Variants in TBC1D16 observed in about 807,000 individuals in gnomAD.
TBC1D16 encodes the protein TBC1 domain family member 16, also known as CTD-2529O21.1.
A neutral mutation model predicts 74.7 loss-of-function variants in TBC1D16; 58 were observed. That is an observed-to-expected ratio of 0.78 (90% CI 0.63 to 0.97). The LOEUF is 0.97. Among genes scored for constraint, TBC1D16 ranks in the 50% least tolerant of loss-of-function variants. The pLI, the probability that TBC1D16 is intolerant of heterozygous loss-of-function variation, is 0.00. For synonymous variants in TBC1D16, 493 were observed against 474.7 expected, an observed-to-expected ratio of 1.04 and a Z score of -0.50; for missense variants, 1,014 against 1,079.5, an observed-to-expected ratio of 0.94 and a Z score of 0.85.
At chr17:79,978,117 G>A (rs1568605697) in intron 3 of TBC1D16, among the ~76,000 whole-genome samples, 1 of 152,180 alleles carries the variant, frequency 6.6e-6, no homozygotes, top group Non-Finnish European at 1.5e-5. Flanking sequence ...GCTCGGGAGC[G>A]CCGACATCCC....
chr17:79,975,597 G>C lies in TBC1D16; in HGVS notation c.780-22779C>G, dbSNP rs777275554. On this transcript the variant is annotated intron_variant, in intron 3 of 11. Coordinates refer to ENST00000310924, the MANE Select transcript of TBC1D16 (RefSeq NM_019020.4). The surrounding 1 kb of genome is among the most constrained non-coding windows in gnomAD (Gnocchi z 4.5). ...AACGAGTGACAGAGGGTTGGGGACT[G>C]GGGGGGTCGTGCATGAAGACAGCCA... Among the ~76,000 whole-genome samples the C allele has an allele frequency of 1.3e-5, 2 of 152,146 alleles. No homozygotes were observed. The highest frequency in any genetic ancestry group is 2.9e-5 in the Non-Finnish European group (2 of 68,016).
intron 1 of TBC1D16, among the ~76,000 whole-genome samples, chr17:80,028,912 G>A (rs536670063): frequency 2.0e-4 from 30 of 152,204 alleles, no homozygotes; most frequent in East Asian, 1.9e-4. Flanking sequence ...GCCCCGAGCC[G>A]ACCAGTTGAT....
At chr17:80,024,984 CCA>C (rs1263393623) in intron 1 of TBC1D16, among the ~76,000 whole-genome samples, 12 of 128,662 alleles carry the variant, frequency 9.3e-5, no homozygotes, top group Admixed American at 3.1e-4. Context: ...TAGGCACACA[CCA>C]CACTCTACAC....
At chr17:80,005,605 A>ACG (rs896317709) in intron 3 of TBC1D16, among the ~76,000 whole-genome samples, 3 of 152,162 alleles carry the variant, frequency 2.0e-5, no homozygotes, top group African/African-American at 7.2e-5. Context: ...AGGCAGGACG[A>ACG]CGCATTGGCG....
chr17:80,003,546 C>T (rs938125263), intron 3 of TBC1D16, among the ~76,000 whole-genome samples: 1 of 152,164 alleles, frequency 6.6e-6, no homozygotes, highest in African/African-American at 2.4e-5. Flanking sequence ...CTTAGCGTCC[C>T]CAAATGTGCA....
At chr17:80,032,622 C>T (rs2036813604) in intron 1 of TBC1D16, among the ~76,000 whole-genome samples, 1 of 152,320 alleles carries the variant, frequency 6.6e-6, no homozygotes, top group South Asian at 2.1e-4. Context: ...AACACTGCCG[C>T]TGAGGTGAAC....
rs1340741384 is a variant in TBC1D16, at chr17:80,010,379, A to G, written c.560T>C (p.Leu187Ser). 1.2e-6 allele frequency: 2 copies of G among 1,612,212 alleles called. No individual in the cohort carries two copies. Among genetic ancestry groups the G allele is most frequent in the South Asian group, 1.1e-5 (1 of 90,828 alleles). The change falls in exon 3 of 12, where the codon TTG (leucine) becomes TCG (serine). Residue 187 changes from leucine to serine, a missense_variant. Transcript: ENST00000310924. This position sits in a 1 kb window ranked among gnomAD's most constrained non-coding sequence, Gnocchi z 8.8. ...GACATCCTGCGGACTGACCGTCGACAAGATCCCGGAGGGGCTGCAAGCAGG... is the reference window on the plus strand; with the variant it reads ...GACATCCTGCGGACTGACCGTCGACGAGATCCCGGAGGGGCTGCAAGCAGG... ...SQPACSPSGI[L>S]STVSPQDVTE...
rs575525954 is a variant in TBC1D16 at position 80,023,398 on chromosome 17, C to T, written c.-62-9789G>A. The stretch of plus-strand genomic sequence containing the variant: ...AGCCACAGCCCTCCATGCCCTCCTT[C>T]CGCCCCGCAGTCCCAGCATGAAGCC... On this transcript the variant is annotated intron_variant, in intron 1 of 11. Transcript: ENST00000310924. 3.0e-4 allele frequency among the ~76,000 whole-genome samples: 45 copies of T among 150,038 alleles called. 5 individuals are homozygous for T. The highest frequency in any genetic ancestry group is 9.6e-4 in the African/African-American group (38 of 39,448).
rs576425675 is a variant in TBC1D16, at chr17:80,022,301, T to C, written c.-62-8692A>G. Among the ~76,000 whole-genome samples, 40 of 149,946 alleles carry C rather than the reference T, an allele frequency of 2.7e-4. 4 individuals carry two copies. In the South Asian group the frequency reaches 8.4e-3, roughly 31 times the overall value. On this transcript the variant is annotated intron_variant, in intron 1 of 11. Coordinates refer to ENST00000310924, the MANE Select transcript of TBC1D16 (RefSeq NM_019020.4). ...TATCTGACAAAAACACTGAAATCTATGATAAATTAATAAAGCTGGGACGTT... is the reference window on the plus strand; with the variant it reads ...TATCTGACAAAAACACTGAAATCTACGATAAATTAATAAAGCTGGGACGTT...
rs2034919246 is a variant in TBC1D16, at chr17:79,988,235, C to A, written c.779+21925G>T. On this transcript the variant is annotated intron_variant, in intron 3 of 11. Coordinates refer to ENST00000310924, the MANE Select transcript of TBC1D16 (RefSeq NM_019020.4). This position sits in a 1 kb window ranked among gnomAD's most constrained non-coding sequence, Gnocchi z 5.7. ...CTGGCCACCAGCCAGGGCCGTGGCT[C>A]CTCGGCAAGTGGGCGTCCGCCGAGC... 6.6e-6 allele frequency among the ~76,000 whole-genome samples: 1 copy of A among 152,186 alleles called. No homozygotes were observed. The highest frequency in any genetic ancestry group is 6.5e-5 in the Admixed American group (1 of 15,280).
rs1235951226 is a variant in TBC1D16, at chr17:79,981,375, T to C, written c.780-28557A>G. Among the ~76,000 whole-genome samples the C allele has an allele frequency of 6.6e-6, 1 of 152,234 alleles. No homozygotes were observed. The highest frequency in any genetic ancestry group is 1.5e-5 in the Non-Finnish European group (1 of 68,042). Reference sequence around the variant, plus strand: ...TTAGACCCTCCATCTGCCCGGGCCCTGCTGGGAGAAGGCCTCGGGCCTCCA... The same window carrying C: ...TTAGACCCTCCATCTGCCCGGGCCCCGCTGGGAGAAGGCCTCGGGCCTCCA... On this transcript the variant is annotated intron_variant, in intron 3 of 11. Transcript: ENST00000310924. The surrounding 1 kb of genome is among the most constrained non-coding windows in gnomAD (Gnocchi z 6.9).
Position 80,010,279 on chromosome 17 carries a change from C to T in TBC1D16, c.660G>A (p.Val220=). The change falls in exon 3 of 12, where the codon GTG becomes GTA. Residue 220 remains valine, a synonymous_variant. Transcript: ENST00000310924. The surrounding 1 kb of genome is among the most constrained non-coding windows in gnomAD (Gnocchi z 8.8). ...CTGAGTCAAAGGAGCTGTCTCTGCTCACGCCCTCGGCTGACAGTTCCAAAG... is the reference window on the plus strand; with the variant it reads ...CTGAGTCAAAGGAGCTGTCTCTGCTTACGCCCTCGGCTGACAGTTCCAAAG... The part of the protein sequence containing the change: ...DGSLELSAEG[V]SRDSSFDSDS... 6.2e-7 allele frequency: 1 copy of T among 1,613,230 alleles called. No homozygotes were observed. The highest frequency in any genetic ancestry group is 8.5e-7 in the Non-Finnish European group (1 of 1,179,732).
intron 1 of TBC1D16, among the ~76,000 whole-genome samples, chr17:80,030,630 G>T (rs768982997): frequency 5.9e-5 from 9 of 152,230 alleles, no homozygotes; most frequent in Non-Finnish European, 1.2e-4. Flanking sequence ...CCGTGCACCG[G>T]CCTCAGGGCC....
Position 79,941,155 on chromosome 17 carries a change from C to A in TBC1D16, c.2056-48G>T, listed in dbSNP as rs75767191. 0.015 allele frequency: 21,863 copies of A among 1,505,258 alleles called. 248 individuals are homozygous for A. The highest frequency in any genetic ancestry group is 0.03 in the Middle Eastern group (142 of 4,738). The allele number at this position is 1,505,258 out of a possible 1,614,324, so 93.2% of individuals were successfully genotyped here. A position where few individuals can be genotyped will look rare whatever the true frequency, so the allele number is the denominator to read the frequency against. On this transcript the variant is annotated intron_variant, in intron 11 of 11. Transcript: ENST00000310924. This position sits in a 1 kb window ranked among gnomAD's most constrained non-coding sequence, Gnocchi z 4.3. ...GAGGAGGGGCCGGGGGACAGCCTGG[C>A]AGCCTAGGGTCCCCATGGGAGTGGC... is the stretch of plus-strand genomic sequence containing the variant.
In TBC1D16 at chr17:80,010,434, C is replaced by A. The variant is rs1242827208; in HGVS notation, c.505G>T (p.Gly169Trp). ...GAGGCTGGCTGGGCACCATCCACCC[C>A]CAAGCCCTGCGCCAGCTTCTCCTCA... Reference protein sequence around the residue: ...EDEEKLAQGLGVDGAQPASQP... With the variant: ...EDEEKLAQGLWVDGAQPASQP... The change falls in exon 3 of 12, where the codon GGG (glycine) becomes TGG (tryptophan). Residue 169 changes from glycine to tryptophan, a missense_variant. By Grantham distance (184) the Gly-to-Trp change is radical. Coordinates refer to ENST00000310924, the MANE Select transcript of TBC1D16 (RefSeq NM_019020.4). The surrounding 1 kb of genome is among the most constrained non-coding windows in gnomAD (Gnocchi z 8.8). 1 of 1,609,562 alleles carries A rather than the reference C, an allele frequency of 6.2e-7. No individual in the cohort carries two copies. Among genetic ancestry groups the A allele is most frequent in the Admixed American group, 1.7e-5 (1 of 59,438 alleles).
chr17:79,984,392 G>A (rs547864115), intron 3 of TBC1D16, among the ~76,000 whole-genome samples: 22 of 151,994 alleles, frequency 1.4e-4, no homozygotes, highest in South Asian at 8.3e-4. Flanking sequence ...CTTAGGCATC[G>A]GAAGCAAAAA....
At chr17:80,025,148 A>ACACACACG (rs2036528655) in intron 1 of TBC1D16, among the ~76,000 whole-genome samples, 1 of 117,602 alleles carries the variant, frequency 8.5e-6, no homozygotes, top group Admixed American at 8.2e-5. Context: ...GCACACACAA[A>ACACACACG]CACACCAGGA....
At chr17:79,984,607 G>A (rs1181478959) in intron 3 of TBC1D16, among the ~76,000 whole-genome samples, 1 of 93,712 alleles carries the variant, frequency 1.1e-5, no homozygotes, top group Non-Finnish European at 2.2e-5. Flanking sequence ...AAAGAAAAGA[G>A]GGAGGGAGGG....
intron 3 of TBC1D16, among the ~76,000 whole-genome samples, chr17:79,999,970 G>A (rs561625226): frequency 3.9e-4 from 60 of 152,282 alleles, no homozygotes; most frequent in African/African-American, 1.3e-3. Context: ...TCAGCTCTAG[G>A]GGTCGACGAG....
Sources: allele counts gnomAD v4.1 joint callset (sites outside exome capture counted in the v4.1 genomes callset), GRCh38; gene constraint gnomAD v4.1.1; non-coding constraint Gnocchi (gnomAD v3.1); transcripts MANE v1.5; gene names NCBI Gene and HGNC (gene_info 2026-07-23, HGNC 2026-07-21).